Variants in PLEKHG3 observed in about 807,000 individuals in gnomAD.
PLEKHG3 encodes the protein pleckstrin homology and RhoGEF domain containing G3.
In PLEKHG3, 62 loss-of-function variants were observed where a neutral mutation model predicts 94.9. That is an observed-to-expected ratio of 0.65 (90% CI 0.53 to 0.81). PLEKHG3 has a LOEUF of 0.81. Among genes scored for constraint, PLEKHG3 ranks in the 30% least tolerant of loss-of-function variants. The pLI, the probability that PLEKHG3 is intolerant of heterozygous loss-of-function variation, is 0.00. For synonymous variants in PLEKHG3, 614 were observed against 654.0 expected (o/e 0.94, Z 0.93); for missense variants, 1,461 against 1,619.3 (o/e 0.90, Z 1.68).
At chr14:64,740,930 A>G (rs1472502330) in intron 15 of PLEKHG3, 106 bp from the exon 16 acceptor site, 7 of 893,934 alleles carry the variant, frequency 7.8e-6, no homozygotes, top group Non-Finnish European at 5.2e-6. Flanking sequence ...GTCCTAAACT[A>G]CAGGTCCCTG....
rs1462609192 is a variant in PLEKHG3, at chr14:64,741,232, T to A, written c.1715T>A (p.Leu572His). Residue 572 changes from leucine to histidine, a missense_variant, in exon 16 of 17, where the codon CTT becomes CAT. By Grantham distance (99) the Leu-to-His change is moderately conservative. Transcript: ENST00000247226. ...GTGGCAGCTGAGAGCACTGAGGACCTTAAGGCCCTGAGCAGCGAGGAGGAA... is the reference window on the plus strand; with the variant it reads ...GTGGCAGCTGAGAGCACTGAGGACCATAAGGCCCTGAGCAGCGAGGAGGAA... ...DFVAAESTED[L>H]KALSSEEEEE... The A allele has an allele frequency of 6.2e-7, 1 of 1,614,012 alleles. No homozygotes were observed. Among genetic ancestry groups the A allele is most frequent in the Non-Finnish European group, 8.5e-7 (1 of 1,179,982 alleles).
Position 64,732,562 on chromosome 14 carries a change from A to G in PLEKHG3, c.1246+102A>G. The G allele has an allele frequency of 1.2e-6, 1 of 855,514 alleles. No individual in the cohort carries two copies. The highest frequency in any genetic ancestry group is 2.7e-5 in the East Asian group (1 of 36,704). 53.0% of individuals were successfully genotyped at this position (855,514 alleles called of 1,614,324 possible). On this transcript the variant is annotated intron_variant, in intron 11 of 16. Coordinates refer to ENST00000247226, the MANE Select transcript of PLEKHG3 (RefSeq NM_001308147.2). This position sits in a 1 kb window ranked among gnomAD's most constrained non-coding sequence, Gnocchi z 4.9. ...TACCTGATAATTTTATTCCAGGAGC[A>G]GGGAGGGCGGGGGTCTCCTGTTAAG...
rs769616625 is a variant in PLEKHG3 at position 64,749,141 on chromosome 14, C to T, written c.*5438C>T. On this transcript the variant is annotated 3_prime_UTR_variant, in exon 17 of 17. Transcript: ENST00000247226. This position sits in a 1 kb window ranked among gnomAD's most constrained non-coding sequence, Gnocchi z 4.7. ...GCATGGAGGGGGCGTCGGCCCAGGA[C>T]ACGCGGGCGAAGGCAGCTTTTGCAG... 4.0e-6 allele frequency: 3 copies of T among 748,040 alleles called. No homozygotes were observed. The highest frequency in any genetic ancestry group is 6.2e-6 in the Non-Finnish European group (3 of 482,478). 46.3% of individuals were successfully genotyped at this position (748,040 alleles called of 1,614,324 possible). A position where few individuals can be genotyped will look rare whatever the true frequency, so the allele number is the denominator to read the frequency against.
rs1352263020 is a variant in PLEKHG3, at chr14:64,726,088, G to A, written c.-39-1505G>A. 2.0e-5 allele frequency among the ~76,000 whole-genome samples: 3 copies of A among 152,108 alleles called. No homozygotes were observed. The highest frequency in any genetic ancestry group is 4.4e-5 in the Non-Finnish European group (3 of 68,018). ...CTGGAGGGGGCGATGTCTAATTGGA[G>A]ACCTAAAGATTGGATGTAAATTACA... On this transcript the variant is annotated intron_variant, in intron 1 of 16. Coordinates refer to ENST00000247226, the MANE Select transcript of PLEKHG3 (RefSeq NM_001308147.2). This position sits in a 1 kb window ranked among gnomAD's most constrained non-coding sequence, Gnocchi z 5.1.
rs2081120103 is a variant in PLEKHG3, at chr14:64,715,185, TC to T, written c.-40+10482del. Among the ~76,000 whole-genome samples, 1 of 152,128 alleles carries T rather than the reference TC, an allele frequency of 6.6e-6. No individual in the cohort carries two copies. Among genetic ancestry groups the T allele is most frequent in the African/African-American group, 2.4e-5 (1 of 41,410 alleles). On this transcript the variant is annotated intron_variant, in intron 1 of 16. Transcript: ENST00000247226. This position sits in a 1 kb window ranked among gnomAD's most constrained non-coding sequence, Gnocchi z 4.4. ...GCTCCTTTCTGAGGTTGCCCCATACTCTAGGAACTTGTGAGCAAAAAGTGTT... is the reference window on the plus strand; with the variant it reads ...GCTCCTTTCTGAGGTTGCCCCATACTTAGGAACTTGTGAGCAAAAAGTGTT...
rs2081609415 is a variant in PLEKHG3 at position 64,738,047 on chromosome 14, T to G, written c.1404+672T>G. On this transcript the variant is annotated intron_variant, in intron 14 of 16. Coordinates refer to ENST00000247226, the MANE Select transcript of PLEKHG3 (RefSeq NM_001308147.2). The surrounding 1 kb of genome is among the most constrained non-coding windows in gnomAD (Gnocchi z 4.8). ...TCTCTCTGGAGGACCTGACAGGGCA[T>G]GAAGGCAACGAGAAGGGGGCTGGGC... The G allele has an allele frequency of 7.7e-7, 1 of 1,293,742 alleles. No individual in the cohort carries two copies. Among genetic ancestry groups the G allele is most frequent in the African/African-American group, 1.5e-5 (1 of 65,638 alleles). 80.1% of individuals were successfully genotyped at this position (1,293,742 alleles called of 1,614,324 possible).
At position 64,741,664 on chromosome 14, in the gene PLEKHG3, T is replaced by C; in HGVS notation, c.2147T>C (p.Leu716Ser). The change falls in exon 16 of 17, where the codon TTG becomes TCG. Residue 716 changes from leucine to serine, a missense_variant. Around this residue, in one of 3 missense-constraint regions of PLEKHG3, gnomAD observed 1,201 missense variants for 1,295.5 expected, o/e 0.93. Transcript: ENST00000247226. ...GCACTCTCCACCCGAGACCGGCTGT[T>C]GCTAGACAAGATTAAGAGCTATTAT... Reference protein sequence around the residue: ...ESALSTRDRLLLDKIKSYYEN... With the variant: ...ESALSTRDRLSLDKIKSYYEN... The C allele has an allele frequency of 1.2e-6, 2 of 1,612,976 alleles. No homozygotes were observed. The highest frequency in any genetic ancestry group is 1.7e-6 in the Non-Finnish European group (2 of 1,180,022).
At position 64,732,970 on chromosome 14, in the gene PLEKHG3, G is replaced by A. The variant is rs17102020; in HGVS notation, c.1345+69G>A. ...CTTGCCCAGACTGGGGACCGTCTGC[G>A]GCAGTGTCCAGGGCTGTGGCTCTCA... is the stretch of plus-strand genomic sequence containing the variant. On this transcript the variant is annotated intron_variant, in intron 12 of 16. Coordinates refer to ENST00000247226, the MANE Select transcript of PLEKHG3 (RefSeq NM_001308147.2). This position sits in a 1 kb window ranked among gnomAD's most constrained non-coding sequence, Gnocchi z 4.9. 15,963 of 1,002,900 alleles carry A rather than the reference G, an allele frequency of 0.016. 1,630 individuals carry two copies. The African/African-American group carries it at 0.22, about 14-fold the overall frequency. The allele number at this position is 1,002,900 out of a possible 1,614,324, so 62.1% of individuals were successfully genotyped here.
chr14:64,743,055 C>T lies in PLEKHG3; in HGVS notation c.3012C>T (p.Pro1004=), dbSNP rs2081743286. 1 of 1,613,170 alleles carries T rather than the reference C, an allele frequency of 6.2e-7. No homozygotes were observed. Among genetic ancestry groups the T allele is most frequent in the Non-Finnish European group, 8.5e-7 (1 of 1,179,754 alleles). ...LMAQEHSPPK[P]SSAGEMSPQR... ...CCCAGGAGCACAGCCCTCCCAAGCC[C>T]TCCTCGGCTGGGGAGATGTCACCAC... The change falls in exon 17 of 17, where the codon CCC becomes CCT. Residue 1004 remains proline, a synonymous_variant. Transcript: ENST00000247226. The surrounding 1 kb of genome is among the most constrained non-coding windows in gnomAD (Gnocchi z 7.2).
intron 1 of PLEKHG3, among the ~76,000 whole-genome samples, chr14:64,708,215 T>A (rs926355467): frequency 6.6e-6 from 1 of 152,204 alleles, no homozygotes; most frequent in Non-Finnish European, 1.5e-5. Context: ...ACCCCCATCC[T>A]ACAGATAGGA....
At position 64,742,046 on chromosome 14, in the gene PLEKHG3, T is replaced by C. The variant is rs756132953; in HGVS notation, c.2529T>C (p.His843=). ...GCCAGGCCAATGGCTTTGACCTGCA[T>C]GAGCCACTCTTCATCCTGGAGGAGC... is the stretch of plus-strand genomic sequence containing the variant. ...GQGQANGFDL[H]EPLFILEEHE... The change falls in exon 16 of 17, where the codon CAT becomes CAC. Residue 843 remains histidine, a synonymous_variant. Transcript: ENST00000247226. 6.2e-6 allele frequency: 10 copies of C among 1,600,652 alleles called. No homozygotes were observed. The African/African-American group carries it at 1.3e-4, about 21-fold the overall frequency.
At chr14:64,734,757 G>T (rs8017680) in intron 12 of PLEKHG3, among the ~76,000 whole-genome samples, 5,323 of 126,374 alleles carry the variant, frequency 0.042, 338 homozygotes, top group African/African-American at 0.15. Context: ...TTCCTTGTCT[G>T]TCACCCAGGC....
At chr14:64,714,158 G>C (rs1386558703) in intron 1 of PLEKHG3, among the ~76,000 whole-genome samples, 1 of 152,156 alleles carries the variant, frequency 6.6e-6, no homozygotes, top group African/African-American at 2.4e-5. Flanking sequence ...TGTGTGGTTT[G>C]AAATTTCTGT....
intron 14 of PLEKHG3, chr14:64,737,977 T>TGGA (rs376123381): frequency 0.12 from 145,321 of 1,193,986 alleles, 5,322 homozygotes; most frequent in South Asian, 0.16. Context: ...GAGGAGGTGG[T>TGGA]GGAGGAGGAG....
chr14:64,742,520 A>G, intron 16 of PLEKHG3, 65 bp downstream of exon 16: 1 of 1,249,980 alleles, frequency 8.0e-7, no homozygotes, highest in Admixed American at 2.6e-5. Flanking sequence ...ATAAGGAGCC[A>G]CTTGGCTCCT....
intron 3 of PLEKHG3, among the ~76,000 whole-genome samples, 174 bp downstream of exon 3, chr14:64,729,267 C>T (rs1019654814): frequency 6.6e-6 from 1 of 152,134 alleles, no homozygotes; most frequent in African/African-American, 2.4e-5. Flanking sequence ...GATCTGCTTT[C>T]TCTCAAGGGC....
chr14:64,727,069 A>G lies in PLEKHG3; in HGVS notation c.-39-524A>G, dbSNP rs1437432613. On this transcript the variant is annotated intron_variant, in intron 1 of 16. Transcript: ENST00000247226. This position sits in a 1 kb window ranked among gnomAD's most constrained non-coding sequence, Gnocchi z 6.0. Reference sequence around the variant, plus strand: ...GAGCACGTACCCTATGCCAGGCATCATGCTCAGAGCTTTACGAACAGCAGG... The same window carrying G: ...GAGCACGTACCCTATGCCAGGCATCGTGCTCAGAGCTTTACGAACAGCAGG... 6.6e-6 allele frequency among the ~76,000 whole-genome samples: 1 copy of G among 152,176 alleles called. No homozygotes were observed. The highest frequency in any genetic ancestry group is 2.4e-5 in the African/African-American group (1 of 41,440).
At chr14:64,733,437 G>T (rs1339636533) in intron 12 of PLEKHG3, among the ~76,000 whole-genome samples, 7 of 152,040 alleles carry the variant, frequency 4.6e-5, no homozygotes, top group African/African-American at 1.7e-4. Flanking sequence ...CAAAGTACTG[G>T]GATTATAGGT....
At position 64,736,884 on chromosome 14, in the gene PLEKHG3, C is replaced by A. The variant is rs201048347; in HGVS notation, c.1377C>A (p.Asn459Lys). 1.9e-6 allele frequency: 3 copies of A among 1,612,754 alleles called. No homozygotes were observed. Among genetic ancestry groups the A allele is most frequent in the Non-Finnish European group, 2.5e-6 (3 of 1,178,900 alleles). Residue 459 changes from asparagine to lysine, a missense_variant, in exon 13 of 17, where the codon AAC (asparagine) becomes AAA (lysine). By Grantham distance (94) the Asn-to-Lys change is moderately conservative. Coordinates refer to ENST00000247226, the MANE Select transcript of PLEKHG3 (RefSeq NM_001308147.2). ...EPTKHLLRQL[N>K]EKARAAGMKG... ...CCAAACACCTGCTCAGGCAACTCAA[C>A]GAGAAAGGTGAGTGTGTGAGGTGGC... is the stretch of plus-strand genomic sequence containing the variant.
Sources: gnomAD v4.1 joint callset for allele counts (sites outside exome capture counted in the v4.1 genomes callset) on GRCh38, gnomAD v4.1.1 for gene constraint, gnomAD v4.1.1 regional missense constraint, Gnocchi (gnomAD v3.1) non-coding constraint, MANE v1.5 for transcripts, NCBI Gene and HGNC (gene_info 2026-07-23, HGNC 2026-07-21) for gene names.